Variants in ZNF34 observed in about 807,000 individuals in gnomAD.
The protein encoded by ZNF34 is zinc finger protein 34 (KOX 32).
A neutral mutation model predicts 14.4 loss-of-function variants in ZNF34; 8 were observed. That is an observed-to-expected ratio of 0.55 (90% CI 0.33 to 1.00). ZNF34 has a LOEUF of 1.00. ZNF34 is among the 50% of genes least tolerant of loss of function. The pLI is 0.03. For missense variants in ZNF34, 538 were observed against 674.2 expected (o/e 0.80, Z 2.24); for synonymous variants, 235 against 247.9 (o/e 0.95, Z 0.49).
At chr8:144,780,140 T>C (rs766413179) in intron 2 of ZNF34, 88 bp downstream of exon 2, 11 of 1,000,506 alleles carry the variant, frequency 1.1e-5, no homozygotes, top group Non-Finnish European at 1.7e-5. Flanking sequence ...GAGGCTGCAG[T>C]GAGCTGTGAT....
rs749350106 is a variant in ZNF34 at position 144,773,531 on chromosome 8, T to C, written c.1355A>G (p.Lys452Arg). Residue 452 changes from lysine to arginine, a missense_variant, in exon 6 of 6, where the codon AAG becomes AGG. Physicochemically the swap from Lys to Arg is conservative, Grantham distance 26. Around this residue, in one of 3 missense-constraint regions of ZNF34, gnomAD observed 101 missense variants for 123.1 expected, o/e 0.82. Transcript: ENST00000429371. The surrounding 1 kb of genome is among the most constrained non-coding windows in gnomAD (Gnocchi z 5.4). ...CCCACACTCGCTGCACTTGTAGGGC[T>C]TCTCTCCTGTGTGGATTCTCTGGTG... is the stretch of plus-strand genomic sequence containing the variant. ...IQHQRIHTGE[K>R]PYKCSECGKA... 1.9e-6 allele frequency: 3 copies of C among 1,614,140 alleles called. No homozygotes were observed. The highest frequency in any genetic ancestry group is 3.3e-5 in the Admixed American group (2 of 60,018).
Position 144,772,341 on chromosome 8 carries a change from G to A in ZNF34, c.*925C>T, listed in dbSNP as rs1225018549. Among the ~76,000 whole-genome samples, 2 of 152,124 alleles carry A rather than the reference G, an allele frequency of 1.3e-5. No individual in the cohort carries two copies. Among genetic ancestry groups the A allele is most frequent in the African/African-American group, 4.8e-5 (2 of 41,406 alleles). On this transcript the variant is annotated 3_prime_UTR_variant, in exon 6 of 6. Transcript: ENST00000429371. ...GGAAATGAAGAGTTATTATTTAATAGGTACAGGGTTTCTGTTTGGAGTAAT... is the reference window on the plus strand; with the variant it reads ...GGAAATGAAGAGTTATTATTTAATAAGTACAGGGTTTCTGTTTGGAGTAAT...
chr8:144,786,211 C>A (rs142415807), intron 1 of ZNF34, among the ~76,000 whole-genome samples: 3,656 of 151,808 alleles, frequency 0.024, 141 homozygotes, highest in African/African-American at 0.084. Flanking sequence ...TGGTCTCGAT[C>A]TCCAGACCTA....
intron 1 of ZNF34, among the ~76,000 whole-genome samples, chr8:144,780,918 C>T (rs1261156292): frequency 6.7e-6 from 1 of 150,030 alleles, no homozygotes. Flanking sequence ...GGGTGGATGG[C>T]GAGGTCAGGA....
chr8:144,774,606 C>G lies in ZNF34; in HGVS notation c.281-1G>C. On this transcript the variant is annotated splice_acceptor_variant, in intron 5 of 5. Transcript: ENST00000429371. LOFTEE classifies it high-confidence loss of function. The stretch of plus-strand genomic sequence containing the variant: ...TTGTACTCAGTTCTGGTCCCAAGAG[C>G]TGAAACAAAAAACAGAACATCTAAG... 1 of 1,602,114 alleles carries G rather than the reference C, an allele frequency of 6.2e-7. No homozygotes were observed. Among genetic ancestry groups the G allele is most frequent in the Non-Finnish European group, 8.5e-7 (1 of 1,175,078 alleles).
At chr8:144,775,378 C>T (rs192451996) in intron 5 of ZNF34, among the ~76,000 whole-genome samples, 1 of 152,330 alleles carries the variant, frequency 6.6e-6, no homozygotes, top group African/African-American at 2.4e-5. Context: ...CTCCCAGGTA[C>T]ACACGCGCCA....
chr8:144,786,404 C>T (rs1186245393), intron 1 of ZNF34, among the ~76,000 whole-genome samples: 1 of 151,836 alleles, frequency 6.6e-6, no homozygotes, highest in Admixed American at 6.6e-5. Flanking sequence ...GAGGCTGGGG[C>T]GGGCAGATCA....
chr8:144,776,222 G>C (rs910551607), intron 5 of ZNF34, among the ~76,000 whole-genome samples: 1 of 148,450 alleles, frequency 6.7e-6, no homozygotes, highest in Non-Finnish European at 1.5e-5. Flanking sequence ...TGAGGCAAAA[G>C]AATTGCTTGA....
chr8:144,779,294 T>C lies in ZNF34; in HGVS notation c.-54-769A>G, dbSNP rs1255552687. ...ATCTCAGGTAGCAGAGCATAGTACA[T>C]ATGTGTCAAAGAAAATGCTAAACCG... On this transcript the variant is annotated intron_variant, in intron 2 of 5. Coordinates refer to ENST00000429371, the MANE Select transcript of ZNF34 (RefSeq NM_001286769.2). The surrounding 1 kb of genome is among the most constrained non-coding windows in gnomAD (Gnocchi z 4.1). Among the ~76,000 whole-genome samples, 1 of 152,230 alleles carries C rather than the reference T, an allele frequency of 6.6e-6. No homozygotes were observed. Among genetic ancestry groups the C allele is most frequent in the Non-Finnish European group, 1.5e-5 (1 of 68,040 alleles).
chr8:144,774,589 A>G lies in ZNF34; in HGVS notation c.297T>C (p.Thr99=), dbSNP rs941594746. The G allele has an allele frequency of 6.2e-7, 1 of 1,612,070 alleles. No homozygotes were observed. The highest frequency in any genetic ancestry group is 8.5e-7 in the Non-Finnish European group (1 of 1,179,066). The change falls in exon 6 of 6, where the codon ACT becomes ACC. Residue 99 remains threonine, a synonymous_variant. Transcript: ENST00000429371. ...CCTGTGAAGTCAACTCCTTGTACTC[A>G]GTTCTGGTCCCAAGAGCTGAAACAA... ...RVNSPALGTR[T]EYKELTSQET... is the part of the protein sequence containing the mutation.
In ZNF34 at chr8:144,778,156, C is replaced by T. The variant is rs1399341923; in HGVS notation, c.42G>A (p.Val14=). 4 of 1,612,502 alleles carry T rather than the reference C, an allele frequency of 2.5e-6. No individual in the cohort carries two copies. Among genetic ancestry groups the T allele is most frequent in the East Asian group, 2.2e-5 (1 of 44,862 alleles). The change falls in exon 4 of 6, where the codon GTG becomes GTA. Residue 14 remains valine (V), a synonymous_variant. Coordinates refer to ENST00000429371, the MANE Select transcript of ZNF34 (RefSeq NM_001286769.2). ...LFLSAPPQAE[V]TFEDVAVYLS... Reference sequence around the variant, plus strand: ...GGTACACAGCCACGTCCTCGAAGGTCACCTCGGCCTGGAATGACAGGGACT... The same window carrying T: ...GGTACACAGCCACGTCCTCGAAGGTTACCTCGGCCTGGAATGACAGGGACT...
rs939809744 is a variant in ZNF34 at position 144,772,809 on chromosome 8, G to A, written c.*457C>T. 6.6e-6 allele frequency among the ~76,000 whole-genome samples: 1 copy of A among 152,156 alleles called. No homozygotes were observed. Among genetic ancestry groups the A allele is most frequent in the Non-Finnish European group, 1.5e-5 (1 of 68,028 alleles). The stretch of plus-strand genomic sequence containing the variant: ...CCCACCTTGGCCTCTCAAAATGCTG[G>A]TATTACAGGCATGAGCCACCACACC... On this transcript the variant is annotated 3_prime_UTR_variant, in exon 6 of 6. Coordinates refer to ENST00000429371, the MANE Select transcript of ZNF34 (RefSeq NM_001286769.2).
At chr8:144,781,274 G>GTT (rs879285192) in intron 1 of ZNF34, among the ~76,000 whole-genome samples, 6 of 143,190 alleles carry the variant, frequency 4.2e-5, no homozygotes, top group African/African-American at 2.5e-5. Context: ...TCTGGAGTGA[G>GTT]TTTTTTTTTT....
At chr8:144,786,680 A>G (rs1826260259) in intron 1 of ZNF34, among the ~76,000 whole-genome samples, 1 of 151,990 alleles carries the variant, frequency 6.6e-6, no homozygotes, top group Non-Finnish European at 1.5e-5. Flanking sequence ...GAGAAAAGAA[A>G]AGAAAGAAAA....
chr8:144,784,210 A>G (rs1028142914), intron 1 of ZNF34, among the ~76,000 whole-genome samples: 6 of 151,812 alleles, frequency 4.0e-5, no homozygotes, highest in African/African-American at 1.2e-4. Context: ...AAAACAACCA[A>G]AGGAGGCAAG....
chr8:144,775,321 A>C (rs1021007447), intron 5 of ZNF34, among the ~76,000 whole-genome samples: 1 of 152,198 alleles, frequency 6.6e-6, no homozygotes, highest in Non-Finnish European at 1.5e-5. Flanking sequence ...ACGGCTTGGC[A>C]ACCTTATCTA....
rs1825252672 is a variant in ZNF34 at position 144,772,916 on chromosome 8, G to C, written c.*350C>G. ...TTCAGTGTGAATTTTCTGATATTGA[G>C]GAAATAGCAAAAGTGAAGATCCTAG... On this transcript the variant is annotated 3_prime_UTR_variant, in exon 6 of 6. Transcript: ENST00000429371. Among the ~76,000 whole-genome samples, 1 of 152,152 alleles carries C rather than the reference G, an allele frequency of 6.6e-6. No individual in the cohort carries two copies. Among genetic ancestry groups the C allele is most frequent in the African/African-American group, 2.4e-5 (1 of 41,420 alleles).
At position 144,774,318 on chromosome 8, in the gene ZNF34, T is replaced by A; in HGVS notation, c.568A>T (p.Asn190Tyr). The change falls in exon 6 of 6, where the codon AAC becomes TAC. Residue 190 changes from asparagine (N) to tyrosine (Y), a missense_variant. Coordinates refer to ENST00000429371, the MANE Select transcript of ZNF34 (RefSeq NM_001286769.2). ...EQSFEQRSYL[N>Y]NHKRVHRSKK... The stretch of plus-strand genomic sequence containing the variant: ...GACCTGTGTACACGCTTATGGTTGT[T>A]GAGATATGATCTCTGTTCAAAACTT... The A allele has an allele frequency of 6.2e-7, 1 of 1,612,506 alleles. No homozygotes were observed. The highest frequency in any genetic ancestry group is 8.5e-7 in the Non-Finnish European group (1 of 1,179,070).
In ZNF34 at chr8:144,772,831, C is replaced by T. The variant is rs1012160235; in HGVS notation, c.*435G>A. Among the ~76,000 whole-genome samples the T allele has an allele frequency of 1.3e-5, 2 of 152,204 alleles. No homozygotes were observed. The highest frequency in any genetic ancestry group is 4.8e-5 in the African/African-American group (2 of 41,450). On this transcript the variant is annotated 3_prime_UTR_variant, in exon 6 of 6. Transcript: ENST00000429371. ...CTGGTATTACAGGCATGAGCCACCA[C>T]ACCTGGCCGATGCTTTTAAATTTAC...
Sources: allele counts gnomAD v4.1 joint callset (sites outside exome capture counted in the v4.1 genomes callset), GRCh38; gene constraint gnomAD v4.1.1; regional missense constraint gnomAD v4.1.1; non-coding constraint Gnocchi (gnomAD v3.1); transcripts MANE v1.5; gene names NCBI Gene and HGNC (gene_info 2026-07-23, HGNC 2026-07-21).